CCDC112: variants seen among roughly 807,000 people sequenced by gnomAD.
The protein encoded by CCDC112 is coiled-coil domain containing 112.
CCDC112 carries 40 observed loss-of-function variants against 66.3 expected under a neutral mutation model. The ratio of observed to expected loss-of-function variants is 0.60; its 90% CI spans 0.47 to 0.79. CCDC112 has a LOEUF of 0.79. Ranked by LOEUF, CCDC112 falls within the 30% of genes least tolerant of loss-of-function variation. The pLI, the probability that CCDC112 is intolerant of heterozygous loss-of-function variation, is 0.00. For synonymous variants in CCDC112, 214 were observed against 197.2 expected (o/e 1.09, Z -0.71); for missense variants, 659 against 603.8 (o/e 1.09, Z -0.96).
intron 6 of CCDC112, 37 bp downstream of exon 6, chr5:115,275,179 G>C (rs1354432582): frequency 1.3e-6 from 2 of 1,486,222 alleles, no homozygotes; most frequent in South Asian, 2.6e-5. Flanking sequence ...CTAGAACATA[G>C]AAACACAGAA....
rs980431109 is a variant in CCDC112 at position 115,284,982 on chromosome 5, T to C, written c.118-74A>G. On this transcript the variant is annotated intron_variant, in intron 1 of 9. Coordinates refer to ENST00000379611, the MANE Select transcript of CCDC112 (RefSeq NM_001040440.3). Reference sequence around the variant, plus strand: ...TAAATGTGGAATTTTTTCAGAGAGATAAAATGTCAATAGTTGAGTTTCTTG... The same window carrying C: ...TAAATGTGGAATTTTTTCAGAGAGACAAAATGTCAATAGTTGAGTTTCTTG... The C allele has an allele frequency of 8.6e-6, 12 of 1,390,766 alleles. No homozygotes were observed. The African/African-American group carries it at 1.4e-4, about 17-fold the overall frequency. The allele number at this position is 1,390,766 out of a possible 1,614,324, so 86.2% of individuals were successfully genotyped here. A position where few individuals can be genotyped will look rare whatever the true frequency, so the allele number is the denominator to read the frequency against.
rs747305332 is a variant in CCDC112 at position 115,275,994 on chromosome 5, A to G, written c.527T>C (p.Ile176Thr). The G allele has an allele frequency of 3.8e-6, 6 of 1,585,022 alleles. No individual in the cohort carries two copies. Among genetic ancestry groups the G allele is most frequent in the African/African-American group, 1.3e-5 (1 of 74,106 alleles). The change falls in exon 5 of 10, where the codon ATA becomes ACA. Residue 176 changes from isoleucine to threonine, a missense_variant and splice_region_variant. Coordinates refer to ENST00000379611, the MANE Select transcript of CCDC112 (RefSeq NM_001040440.3). ...INTFKEEQRL[I>T]YEELIKEEKT... ...ATATTAAAATGAGTTTAAAACATAC[A>G]TCAACCTCTGCTCTTCTTTAAAAGT... is the stretch of plus-strand genomic sequence containing the variant.
rs1749229216 is a variant in CCDC112, at chr5:115,276,900, C to A, written c.451+65G>T. On this transcript the variant is annotated intron_variant, in intron 4 of 9. Coordinates refer to ENST00000379611, the MANE Select transcript of CCDC112 (RefSeq NM_001040440.3). ...TCCTAACCAATAAAGTAGAGTTTAG[C>A]TCCATTAATGCCAAACAGAAAATAC... 3.5e-5 allele frequency: 35 copies of A among 1,012,728 alleles called. No individual in the cohort carries two copies. The East Asian group carries it at 8.6e-4, about 25-fold the overall frequency. 62.7% of individuals were successfully genotyped at this position (1,012,728 alleles called of 1,614,324 possible). A position where few individuals can be genotyped will look rare whatever the true frequency, so the allele number is the denominator to read the frequency against.
In CCDC112 at chr5:115,271,557, C is replaced by T; in HGVS notation, c.988G>A (p.Asp330Asn). Residue 330 changes from aspartate (D) to asparagine (N), a missense_variant, in exon 7 of 10, where the codon GAC (aspartate) becomes AAC (asparagine). Asp to Asn is a conservative substitution (Grantham distance 23). Transcript: ENST00000379611. Reference protein sequence around the residue: ...EEIFKLKEKADNTPVLFHNKQ... With the variant: ...EEIFKLKEKANNTPVLFHNKQ... ...TTATGAAAAAGCACAGGTGTGTTGT[C>T]TGCCTTTTCCTTTAACTTGAAAATT... 6.3e-7 allele frequency: 1 copy of T among 1,580,324 alleles called. No homozygotes were observed. Among genetic ancestry groups the T allele is most frequent in the Non-Finnish European group, 8.5e-7 (1 of 1,169,752 alleles).
At chr5:115,293,617 A>G (rs1034585527) in intron 1 of CCDC112, among the ~76,000 whole-genome samples, 5 of 151,938 alleles carry the variant, frequency 3.3e-5, no homozygotes, top group African/African-American at 9.7e-5. Flanking sequence ...TCTTCCTTCC[A>G]TCATCACATC....
At chr5:115,288,235 C>A (rs1002769689) in intron 1 of CCDC112, among the ~76,000 whole-genome samples, 1 of 152,212 alleles carries the variant, frequency 6.6e-6, no homozygotes, top group Admixed American at 6.5e-5. Flanking sequence ...CCTGCCTTGG[C>A]CTCCCAAAGT....
At chr5:115,270,043 T>C (rs1417088089) in intron 7 of CCDC112, among the ~76,000 whole-genome samples, 1 of 152,124 alleles carries the variant, frequency 6.6e-6, no homozygotes, top group African/African-American at 2.4e-5. Context: ...AAACTCCCTT[T>C]TAATAGGTGA....
Position 115,267,679 on chromosome 5 carries a change from A to G in CCDC112, c.*197T>C. ...TTACATCAATAATAGGCCAACACAT[A>G]TATTAAATACCTTCTTGGTAGAAGC... On this transcript the variant is annotated 3_prime_UTR_variant, in exon 10 of 10. Transcript: ENST00000379611. The G allele has an allele frequency of 5.1e-6, 3 of 584,776 alleles. No individual in the cohort carries two copies. The South Asian group carries it at 6.5e-5, about 13-fold the overall frequency. 36.2% of individuals were successfully genotyped at this position (584,776 alleles called of 1,614,324 possible). A position where few individuals can be genotyped will look rare whatever the true frequency, so the allele number is the denominator to read the frequency against.
At chr5:115,276,263 A>G (rs1468796198) in intron 4 of CCDC112, among the ~76,000 whole-genome samples, 194 bp from the exon 5 acceptor site, 2 of 152,180 alleles carry the variant, frequency 1.3e-5, no homozygotes, top group East Asian at 3.8e-4. Context: ...CTATATACTC[A>G]TATCATAATT....
intron 1 of CCDC112, among the ~76,000 whole-genome samples, chr5:115,295,604 T>C (rs548988853): frequency 9.9e-5 from 15 of 152,228 alleles, no homozygotes; most frequent in African/African-American, 3.6e-4. Flanking sequence ...ATTTAGTAAG[T>C]GCATACTACG....
intron 6 of CCDC112, among the ~76,000 whole-genome samples, chr5:115,271,922 CTT>C (rs34279929): frequency 1.3e-4 from 17 of 131,920 alleles, no homozygotes; most frequent in Middle Eastern, 3.8e-3. Flanking sequence ...TTTACTGCTT[CTT>C]TTTTTTTTTT....
chr5:115,274,313 A>G (rs756509440), intron 6 of CCDC112, among the ~76,000 whole-genome samples: 8 of 152,204 alleles, frequency 5.3e-5, no homozygotes, highest in Non-Finnish European at 1.0e-4. Context: ...TCCAAATGTC[A>G]ATAGTATCAA....
chr5:115,293,040 G>T (rs143481569), intron 1 of CCDC112, among the ~76,000 whole-genome samples: 199 of 152,256 alleles, frequency 1.3e-3, no homozygotes, highest in African/African-American at 4.5e-3. Context: ...TAGTTCTGGA[G>T]GTCTACTCTA....
In CCDC112 at chr5:115,271,634, A is replaced by T; in HGVS notation, c.919-8T>A. The T allele has an allele frequency of 6.8e-7, 1 of 1,477,038 alleles. No homozygotes were observed. The highest frequency in any genetic ancestry group is 9.0e-7 in the Non-Finnish European group (1 of 1,117,258). 91.5% of individuals were successfully genotyped at this position (1,477,038 alleles called of 1,614,324 possible). On this transcript the variant is annotated splice_region_variant and splice_polypyrimidine_tract_variant and intron_variant, in intron 6 of 9. Transcript: ENST00000379611. ...TTTCCAAATCTGAATTGACTAAATG[A>T]TTTTTTTAAAAAAAGAAAGCAAGAG...
chr5:115,272,088 C>T (rs1749028544), intron 6 of CCDC112, among the ~76,000 whole-genome samples: 1 of 151,992 alleles, frequency 6.6e-6, no homozygotes, highest in Non-Finnish European at 1.5e-5. Context: ...CCATGTCTGG[C>T]TAATTTTTTT....
At chr5:115,296,357 G>GAGGA in intron 1 of CCDC112, 70 bp downstream of exon 1, 2 of 1,483,092 alleles carry the variant, frequency 1.3e-6, no homozygotes. Flanking sequence ...GCTGCAGAGG[G>GAGGA]CACCTGTTCA....
At chr5:115,276,203 C>A in intron 4 of CCDC112, 134 bp from the exon 5 acceptor site, 3 of 618,548 alleles carry the variant, frequency 4.9e-6, no homozygotes, top group Non-Finnish European at 5.4e-6. Context: ...AAGTTGTGCT[C>A]AAAAGTGAAT....
chr5:115,270,641 G>A (rs1748957435), intron 7 of CCDC112, among the ~76,000 whole-genome samples: 1 of 152,136 alleles, frequency 6.6e-6, no homozygotes, highest in Non-Finnish European at 1.5e-5. Flanking sequence ...ACATTATGGT[G>A]GGGAAATGAA....
At chr5:115,295,888 G>A (rs893635747) in intron 1 of CCDC112, 1 of 985,372 alleles carries the variant, frequency 1.0e-6, no homozygotes, top group Admixed American at 6.1e-5. Context: ...TCGCTGAGCT[G>A]ATAACATCTG....
Sources: allele counts gnomAD v4.1 joint callset (sites outside exome capture counted in the v4.1 genomes callset), GRCh38; gene constraint gnomAD v4.1.1; transcripts MANE v1.5; gene names NCBI Gene and HGNC (gene_info 2026-07-23, HGNC 2026-07-21).